SDCCAG8: variants seen among roughly 807,000 people sequenced by gnomAD.
SDCCAG8 encodes SHH signaling and ciliogenesis regulator SDCCAG8.
In SDCCAG8, 74 loss-of-function variants were observed where a neutral mutation model predicts 101.8. That is an observed-to-expected ratio of 0.73 (90% CI 0.60 to 0.88). The LOEUF (loss-of-function observed/expected upper bound fraction) is 0.88. SDCCAG8 is among the 40% of genes least tolerant of loss of function. The pLI is 0.00. For missense variants in SDCCAG8, 787 were observed against 822.6 expected (o/e 0.96, Z 0.53); for synonymous variants, 281 against 292.9 (o/e 0.96, Z 0.41).
At chr1:243,374,513 C>T (rs931873990) in intron 12 of SDCCAG8, among the ~76,000 whole-genome samples, 3 of 151,970 alleles carry the variant, frequency 2.0e-5, no homozygotes, top group Non-Finnish European at 4.4e-5. Context: ...TTCAGTTGTA[C>T]TATTAGGATC....
rs1437401815 is a variant in SDCCAG8, at chr1:243,381,932, GAC to G, written c.1616+3071_1616+3072del. On this transcript the variant is annotated intron_variant, in intron 13 of 17. Transcript: ENST00000366541. ...AAGAAAGCTGATATCAGGGAAAGCT[GAC>G]AGTGAAAAGGGATAGTCAGGGAGGT... is the stretch of plus-strand genomic sequence containing the variant. Among the ~76,000 whole-genome samples the G allele has an allele frequency of 3.3e-5, 5 of 152,220 alleles. No individual in the cohort carries two copies. In the East Asian group the frequency reaches 9.6e-4, roughly 29 times the overall value.
At chr1:243,296,590 G>A (rs1393682213) in intron 6 of SDCCAG8, among the ~76,000 whole-genome samples, 1 of 117,116 alleles carries the variant, frequency 8.5e-6, no homozygotes, top group Non-Finnish European at 1.6e-5. Flanking sequence ...TCGCCCAGGC[G>A]GGAGTGCTGT....
intron 12 of SDCCAG8, among the ~76,000 whole-genome samples, chr1:243,358,317 T>TAAC (rs1259352455): frequency 2.6e-5 from 4 of 152,228 alleles, no homozygotes; most frequent in South Asian, 4.1e-4. Flanking sequence ...ATGTTAATAA[T>TAAC]AACTATATTA....
chr1:243,306,064 T>TG (rs1204254585), intron 7 of SDCCAG8: 1 of 124,884 alleles, frequency 8.0e-6, no homozygotes, highest in Non-Finnish European at 1.6e-5. Context: ...CCAGCCTGGG[T>TG]GACAGAGGGA....
intron 13 of SDCCAG8, among the ~76,000 whole-genome samples, chr1:243,382,027 G>T (rs1334257554): frequency 1.3e-5 from 2 of 152,136 alleles, no homozygotes; most frequent in Non-Finnish European, 2.9e-5. Context: ...GAAGAAAGTG[G>T]GTTGGGTACC....
chr1:243,281,407 A>C (rs1166723597), intron 4 of SDCCAG8, among the ~76,000 whole-genome samples: 3 of 146,548 alleles, frequency 2.0e-5, no homozygotes, highest in Non-Finnish European at 3.0e-5. Context: ...AGTAACTGGG[A>C]TTACAGATAT....
At chr1:243,341,018 G>A in intron 10 of SDCCAG8, 21 bp from the exon 11 acceptor site, 1 of 1,610,368 alleles carries the variant, frequency 6.2e-7, no homozygotes, top group East Asian at 2.2e-5. Context: ...TATTGTTTAG[G>A]ACTTTTATTT....
At chr1:243,369,088 A>T (rs767769918) in intron 12 of SDCCAG8, among the ~76,000 whole-genome samples, 1 of 152,078 alleles carries the variant, frequency 6.6e-6, no homozygotes, top group Non-Finnish European at 1.5e-5. Context: ...AATGGTCTAC[A>T]TGGATTTGTC....
At chr1:243,353,516 A>AAAAAAAAAAAAAAAAAAAG in intron 12 of SDCCAG8, among the ~76,000 whole-genome samples, 1 of 148,514 alleles carries the variant, frequency 6.7e-6, no homozygotes, top group East Asian at 2.0e-4. Flanking sequence ...AAAAAAAAAA[A>AAAAAAAAAAAAAAAAAAAG]AAAAAAAGAA....
At chr1:243,377,779 A>G (rs896456108) in intron 12 of SDCCAG8, among the ~76,000 whole-genome samples, 18 of 150,962 alleles carry the variant, frequency 1.2e-4, no homozygotes, top group African/African-American at 3.9e-4. Flanking sequence ...TTTTTTCTGT[A>G]TCAAATTTGC....
chr1:243,280,549 T>G (rs1448269492), intron 4 of SDCCAG8, among the ~76,000 whole-genome samples: 4 of 152,210 alleles, frequency 2.6e-5, no homozygotes, highest in Non-Finnish European at 5.9e-5. Flanking sequence ...GAAATCTTTC[T>G]TCTTTTCTAA....
rs185016024 is a variant in SDCCAG8, at chr1:243,435,834, C to T, written c.1985+9276C>T. Among the ~76,000 whole-genome samples the T allele has an allele frequency of 8.9e-3, 1,354 of 151,826 alleles. 27 individuals carry two copies. The highest frequency in any genetic ancestry group is 0.032 in the African/African-American group (1,306 of 41,378). ...GAGGGATATATCTATCTAGTTGCTT[C>T]TTTACAATCGTATTTTCAGCATAGT... On this transcript the variant is annotated intron_variant, in intron 16 of 17. Coordinates refer to ENST00000366541, the MANE Select transcript of SDCCAG8 (RefSeq NM_006642.5).
Position 243,474,462 on chromosome 1 carries a change from G to A in SDCCAG8, c.1986-14552G>A, listed in dbSNP as rs1405384668. ...GGCTTCGGGACTCGGCCGAGCCCGG[G>A]CCTAGTATCCAGAGTCGAAGCAGCC... On this transcript the variant is annotated intron_variant, in intron 16 of 17. Transcript: ENST00000366541. This position sits in a 1 kb window ranked among gnomAD's most constrained non-coding sequence, Gnocchi z 4.7. Among the ~76,000 whole-genome samples the A allele has an allele frequency of 6.6e-6, 1 of 152,182 alleles. No individual in the cohort carries two copies. Among genetic ancestry groups the A allele is most frequent in the East Asian group, 1.9e-4 (1 of 5,168 alleles).
At chr1:243,313,850 CG>C (rs959476594) in intron 8 of SDCCAG8, among the ~76,000 whole-genome samples, 2 of 152,100 alleles carry the variant, frequency 1.3e-5, no homozygotes, top group Admixed American at 1.3e-4. Context: ...TGGCTGGAAT[CG>C]GCTGTTTCTG....
At chr1:243,347,542 T>A (rs888991221) in intron 12 of SDCCAG8, among the ~76,000 whole-genome samples, 6 of 152,260 alleles carry the variant, frequency 3.9e-5, no homozygotes, top group Non-Finnish European at 7.3e-5. Flanking sequence ...CATAATGTTT[T>A]GATTATGCTT....
intron 17 of SDCCAG8, among the ~76,000 whole-genome samples, chr1:243,497,977 GTTGT>G (rs756182094): frequency 6.6e-6 from 1 of 152,144 alleles, no homozygotes; most frequent in Non-Finnish European, 1.5e-5. Context: ...CCACTGTTGG[GTTGT>G]TTTTCTTTTG....
intron 6 of SDCCAG8, among the ~76,000 whole-genome samples, chr1:243,304,211 G>T (rs2071849707): frequency 6.6e-6 from 1 of 152,158 alleles, no homozygotes; most frequent in Admixed American, 6.5e-5. Flanking sequence ...GTTCCTTGCA[G>T]TTCAAGCCAC....
At chr1:243,263,524 G>A (rs1338699057) in intron 1 of SDCCAG8, among the ~76,000 whole-genome samples, 1 of 152,176 alleles carries the variant, frequency 6.6e-6, no homozygotes, top group Non-Finnish European at 1.5e-5. Context: ...TCTTTTATCA[G>A]TGGAAAGTGA....
In SDCCAG8 at chr1:243,364,826, C is replaced by T. The variant is rs867860666; in HGVS notation, c.1474-13895C>T. On this transcript the variant is annotated intron_variant, in intron 12 of 17. Coordinates refer to ENST00000366541, the MANE Select transcript of SDCCAG8 (RefSeq NM_006642.5). Reference sequence around the variant, plus strand: ...AACCTAAGAAAATGCATTTTTTTTCCTCTAAATTAAGAAATAGTATGTATG... The same window carrying T: ...AACCTAAGAAAATGCATTTTTTTTCTTCTAAATTAAGAAATAGTATGTATG... 4.6e-5 allele frequency among the ~76,000 whole-genome samples: 7 copies of T among 150,738 alleles called. No individual in the cohort carries two copies. The South Asian group carries it at 6.3e-4, about 14-fold the overall frequency.
Sources: gnomAD v4.1 joint callset for allele counts (sites outside exome capture counted in the v4.1 genomes callset) on GRCh38, gnomAD v4.1.1 for gene constraint, Gnocchi (gnomAD v3.1) non-coding constraint, MANE v1.5 for transcripts, NCBI Gene and HGNC (gene_info 2026-07-23, HGNC 2026-07-21) for gene names.